The following ACR variants were observed in gnomAD, a reference collection of about 807,000 sequenced individuals.
The protein encoded by ACR is acrosin light and heavy chain prepropeptide.
In ACR, 17 loss-of-function variants were observed where a neutral mutation model predicts 26.0. The observed-to-expected ratio is 0.65, with a 90% CI of 0.45 to 0.98. ACR has a LOEUF of 0.98. ACR is among the 50% of genes least tolerant of loss of function. The probability of loss-of-function intolerance (pLI) is 0.00; values close to 1 mark genes in which losing one functional copy is unlikely to be tolerated. For synonymous variants in ACR, 199 were observed against 207.7 expected (o/e 0.96, Z 0.36); for missense variants, 435 against 519.3 (o/e 0.84, Z 1.58).
rs373285057 is a variant in ACR at position 50,739,511 on chromosome 22, C to T, written c.281+37C>T. Reference sequence around the variant, plus strand: ...GATGCACTGAGGGAGGTCTTCAGAACGGCTCTTCTCAGAGAGGGGCGTTCC... The same window carrying T: ...GATGCACTGAGGGAGGTCTTCAGAATGGCTCTTCTCAGAGAGGGGCGTTCC... On this transcript the variant is annotated intron_variant, in intron 2 of 4. Coordinates refer to ENST00000216139, the MANE Select transcript of ACR (RefSeq NM_001097.3). This position sits in a 1 kb window ranked among gnomAD's most constrained non-coding sequence, Gnocchi z 5.5. 1.5e-5 allele frequency: 24 copies of T among 1,610,008 alleles called. No individual in the cohort carries two copies. The highest frequency in any genetic ancestry group is 3.3e-5 in the South Asian group (3 of 90,924).
chr22:50,741,272 C>T (rs192800892), intron 3 of ACR, among the ~76,000 whole-genome samples: 2 of 152,294 alleles, frequency 1.3e-5, no homozygotes, highest in East Asian at 1.9e-4. Context: ...AAGGGAGTCT[C>T]ATCCCAGCTG....
chr22:50,744,731 G>C lies in ACR; in HGVS notation c.790G>C (p.Val264Leu). Reference protein sequence around the residue: ...YVVVGITSWGVGCARAKRPGI... With the variant: ...YVVVGITSWGLGCARAKRPGI... ...GGTCGTGGGAATCACAAGCTGGGGG[G>C]TAGGCTGTGCCCGTGCCAAGCGCCC... is the stretch of plus-strand genomic sequence containing the variant. Residue 264 changes from valine to leucine, a missense_variant, in exon 5 of 5, where the codon GTA becomes CTA. Transcript: ENST00000216139. 6.2e-7 allele frequency: 1 copy of C among 1,613,354 alleles called. No individual in the cohort carries two copies.
At chr22:50,743,137 G>A (rs1406585446) in intron 3 of ACR, among the ~76,000 whole-genome samples, 3 of 150,688 alleles carry the variant, frequency 2.0e-5, no homozygotes, top group African/African-American at 7.3e-5. Flanking sequence ...CCGGGTTCAC[G>A]CCATTCTCCT....
At position 50,742,341 on chromosome 22, in the gene ACR, G is replaced by A. The variant is rs572808240; in HGVS notation, c.566-1720G>A. ...GGGTGGATCACAAGGTCGTGAGATC[G>A]AGACCATCCTGGCTAACACGGTGAA... On this transcript the variant is annotated intron_variant, in intron 3 of 4. Coordinates refer to ENST00000216139, the MANE Select transcript of ACR (RefSeq NM_001097.3). Among the ~76,000 whole-genome samples, 12 of 152,098 alleles carry A rather than the reference G, an allele frequency of 7.9e-5. No individual in the cohort carries two copies. The South Asian group carries it at 1.7e-3, about 21-fold the overall frequency.
Position 50,739,384 on chromosome 22 carries a change from C to A in ACR, c.191C>A (p.Thr64Lys). 9 of 1,614,048 alleles carry A rather than the reference C, an allele frequency of 5.6e-6. No homozygotes were observed. The highest frequency in any genetic ancestry group is 4.5e-5 in the East Asian group (2 of 44,888). ...WPWMVSLQIF[T>K]YNSHRYHTCG... ...TGGATGGTCAGCCTCCAGATCTTCA[C>A]GTACAACAGCCACAGGTACCACACA... Residue 64 changes from threonine (T) to lysine (K), a missense_variant, in exon 2 of 5, where the codon ACG becomes AAG. Thr to Lys is a moderately conservative substitution (Grantham distance 78). Around this residue, in one of 3 missense-constraint regions of ACR, gnomAD observed 314 missense variants for 372.0 expected, o/e 0.84. Transcript: ENST00000216139. The surrounding 1 kb of genome is among the most constrained non-coding windows in gnomAD (Gnocchi z 5.5).
At position 50,739,120 on chromosome 22, in the gene ACR, CT is replaced by C; in HGVS notation, c.78-150del. ...ACCATTTCCTAGAGCCTGCGGCTTC[CT>C]ACATAGCGCAGGCTGCCCCTGCTTT... On this transcript the variant is annotated intron_variant, in intron 1 of 4. Transcript: ENST00000216139. This position sits in a 1 kb window ranked among gnomAD's most constrained non-coding sequence, Gnocchi z 5.5. The C allele has an allele frequency of 1.5e-6, 1 of 668,060 alleles. No homozygotes were observed. Among genetic ancestry groups the C allele is most frequent in the Non-Finnish European group, 2.6e-6 (1 of 389,234 alleles). 41.4% of individuals were successfully genotyped at this position (668,060 alleles called of 1,614,324 possible). A position where few individuals can be genotyped will look rare whatever the true frequency, so the allele number is the denominator to read the frequency against.
chr22:50,742,196 G>A (rs972154856), intron 3 of ACR, among the ~76,000 whole-genome samples: 2 of 152,042 alleles, frequency 1.3e-5, no homozygotes, highest in African/African-American at 4.8e-5. Flanking sequence ...AGGACACCTG[G>A]CTCTTCACAA....
At position 50,739,538 on chromosome 22, in the gene ACR, C is replaced by T. The variant is rs956628467; in HGVS notation, c.281+64C>T. The T allele has an allele frequency of 2.1e-5, 34 of 1,598,394 alleles. No homozygotes were observed. Among genetic ancestry groups the T allele is most frequent in the Admixed American group, 5.1e-5 (3 of 59,376 alleles). On this transcript the variant is annotated intron_variant, in intron 2 of 4. Coordinates refer to ENST00000216139, the MANE Select transcript of ACR (RefSeq NM_001097.3). This position sits in a 1 kb window ranked among gnomAD's most constrained non-coding sequence, Gnocchi z 5.5. ...GCTCTTCTCAGAGAGGGGCGTTCCC[C>T]GGGGATGCTGTGCAGCGTCTCCCTG...
rs1279023968 is a variant in ACR, at chr22:50,743,010, A to G, written c.566-1051A>G. Among the ~76,000 whole-genome samples, 24 of 152,264 alleles carry G rather than the reference A, an allele frequency of 1.6e-4. No homozygotes were observed. In the East Asian group the frequency reaches 4.4e-3, roughly 28 times the overall value. ...CGTAGCATCGGGTCTTTCTAACCCA[A>G]AGGTCACGGTAGAGAGTCCAGCGCT... On this transcript the variant is annotated intron_variant, in intron 3 of 4. Coordinates refer to ENST00000216139, the MANE Select transcript of ACR (RefSeq NM_001097.3).
chr22:50,739,764 G>T lies in ACR; in HGVS notation c.352G>T (p.Ala118Ser), dbSNP rs1461684843. Residue 118 changes from alanine to serine, a missense_variant, in exon 3 of 5, where the codon GCG becomes TCG. Transcript: ENST00000216139. The surrounding 1 kb of genome is among the most constrained non-coding windows in gnomAD (Gnocchi z 5.5). ...ATATGGGAACAATAAACCAGTAAAG[G>T]CGCCTCTGCAAGAGAGATATGTGGA... ...ITYGNNKPVK[A>S]PLQERYVEKI... 3 of 1,582,088 alleles carry T rather than the reference G, an allele frequency of 1.9e-6. No homozygotes were observed. In the South Asian group the frequency reaches 3.5e-5, roughly 18 times the overall value.
At chr22:50,741,312 G>T (rs539860870) in intron 3 of ACR, among the ~76,000 whole-genome samples, 1 of 152,034 alleles carries the variant, frequency 6.6e-6, no homozygotes, top group African/African-American at 2.4e-5. Context: ...CACTTGACAC[G>T]TGGCCATCCC....
At chr22:50,742,337 G>C (rs2083427923) in intron 3 of ACR, among the ~76,000 whole-genome samples, 1 of 152,034 alleles carries the variant, frequency 6.6e-6, no homozygotes, top group Non-Finnish European at 1.5e-5. Flanking sequence ...AAGGTCGTGA[G>C]ATCGAGACCA....
rs2083415142 is a variant in ACR, at chr22:50,739,605, C to T, written c.282-89C>T. The T allele has an allele frequency of 1.9e-6, 3 of 1,552,498 alleles. No homozygotes were observed. The highest frequency in any genetic ancestry group is 1.2e-5 in the South Asian group (1 of 81,632). ...GGCTGCAAGACTCCGGGGGCTGGTCCAGACCTTTGCTAGGGGAAGGCCCTG... is the reference window on the plus strand; with the variant it reads ...GGCTGCAAGACTCCGGGGGCTGGTCTAGACCTTTGCTAGGGGAAGGCCCTG... On this transcript the variant is annotated intron_variant, in intron 2 of 4. Transcript: ENST00000216139. This position sits in a 1 kb window ranked among gnomAD's most constrained non-coding sequence, Gnocchi z 5.5.
Position 50,739,868 on chromosome 22 carries a change from T to G in ACR, c.456T>G (p.Ile152Met). The change falls in exon 3 of 5, where the codon ATT becomes ATG. Residue 152 changes from isoleucine (I) to methionine (M), a missense_variant. This residue lies in a region of ACR where 314 missense variants were observed against 372.0 expected (regional missense o/e 0.84). Coordinates refer to ENST00000216139, the MANE Select transcript of ACR (RefSeq NM_001097.3). The surrounding 1 kb of genome is among the most constrained non-coding windows in gnomAD (Gnocchi z 5.5). ...CCCTCGTGGAGATCACCCCTCCCAT[T>G]TCGTGTGGGCGCTTCATTGGGCCGG... ...DIALVEITPP[I>M]SCGRFIGPGC... 1 of 1,612,212 alleles carries G rather than the reference T, an allele frequency of 6.2e-7. No homozygotes were observed. Among genetic ancestry groups the G allele is most frequent in the Non-Finnish European group, 8.5e-7 (1 of 1,178,812 alleles).
rs5771002 is a variant in ACR at position 50,744,827 on chromosome 22, A to G, written c.886A>G (p.Met296Val). 0.68 allele frequency: 1,092,782 copies of G among 1,600,480 alleles called. 374,742 individuals carry two copies. The highest frequency in any genetic ancestry group is 0.83 in the East Asian group (36,418 of 43,890). The change falls in exon 5 of 5, where the codon ATG (methionine) becomes GTG (valine). Residue 296 changes from methionine to valine, a missense_variant. Physicochemically the swap from Met to Val is conservative, Grantham distance 21 (BLOSUM62 1). Coordinates refer to ENST00000216139, the MANE Select transcript of ACR (RefSeq NM_001097.3). ...ASKIGSNALR[M>V]IQSATPPPPT... ...CAAGATTGGTTCTAACGCTTTGCGT[A>G]TGATTCAATCGGCCACCCCTCCACC...
Position 50,742,404 on chromosome 22 carries a change from C to T in ACR, c.566-1657C>T, listed in dbSNP as rs562391905. On this transcript the variant is annotated intron_variant, in intron 3 of 4. Coordinates refer to ENST00000216139, the MANE Select transcript of ACR (RefSeq NM_001097.3). ...CTAAAAATACAGAAAATTAGCCGGG[C>T]ATGGTGGCGGGCGCCTGTAGTCCCA... 8.0e-3 allele frequency among the ~76,000 whole-genome samples: 1,202 copies of T among 149,448 alleles called. 19 individuals are homozygous for T. The highest frequency in any genetic ancestry group is 0.029 in the African/African-American group (1,166 of 40,650).
chr22:50,743,817 CG>C (rs2083437349), intron 3 of ACR, among the ~76,000 whole-genome samples: 1 of 152,206 alleles, frequency 6.6e-6, no homozygotes, highest in Non-Finnish European at 1.5e-5. Context: ...CACCTGTCCA[CG>C]GGCCTCCACC....
At position 50,740,499 on chromosome 22, in the gene ACR, T is replaced by A. The variant is rs571079622; in HGVS notation, c.565+522T>A. Reference sequence around the variant, plus strand: ...TGTCACCATCAGCAGCCACCTCCGGTGCAGTCATAGCACCAAATCTACCCT... The same window carrying A: ...TGTCACCATCAGCAGCCACCTCCGGAGCAGTCATAGCACCAAATCTACCCT... On this transcript the variant is annotated intron_variant, in intron 3 of 4. Coordinates refer to ENST00000216139, the MANE Select transcript of ACR (RefSeq NM_001097.3). The A allele has an allele frequency of 1.8e-5, 12 of 664,902 alleles. No individual in the cohort carries two copies. In the East Asian group the frequency reaches 3.3e-4, roughly 18 times the overall value. The allele number at this position is 664,902 out of a possible 1,614,324, so 41.2% of individuals were successfully genotyped here.
Position 50,739,096 on chromosome 22 carries a change from C to A in ACR, c.78-175C>A, listed in dbSNP as rs571994901. 6.6e-6 allele frequency among the ~76,000 whole-genome samples: 1 copy of A among 152,324 alleles called. No individual in the cohort carries two copies. The highest frequency in any genetic ancestry group is 2.4e-5 in the African/African-American group (1 of 41,576). On this transcript the variant is annotated intron_variant, in intron 1 of 4. Coordinates refer to ENST00000216139, the MANE Select transcript of ACR (RefSeq NM_001097.3). This position sits in a 1 kb window ranked among gnomAD's most constrained non-coding sequence, Gnocchi z 5.5. ...GACCTGAGAAGTCGTGGCCCCAGAA[C>A]CATTTCCTAGAGCCTGCGGCTTCCT...
Sources: gnomAD v4.1 joint callset for allele counts (sites outside exome capture counted in the v4.1 genomes callset) on GRCh38, gnomAD v4.1.1 for gene constraint, gnomAD v4.1.1 regional missense constraint, Gnocchi (gnomAD v3.1) non-coding constraint, MANE v1.5 for transcripts, NCBI Gene and HGNC (gene_info 2026-07-23, HGNC 2026-07-21) for gene names.